CLSTN2: variants seen among roughly 807,000 people sequenced by gnomAD.
CLSTN2 encodes calsyntenin 2.
A neutral mutation model predicts 101.2 loss-of-function variants in CLSTN2; 48 were observed. The ratio of observed to expected loss-of-function variants is 0.47; its 90% CI spans 0.38 to 0.60. CLSTN2 has a LOEUF of 0.60. Among genes scored for constraint, CLSTN2 ranks in the 20% least tolerant of loss-of-function variants. The pLI, the probability that CLSTN2 is intolerant of heterozygous loss-of-function variation, is 0.00. For missense variants in CLSTN2, 1,160 were observed against 1,238.2 expected, an observed-to-expected ratio of 0.94 and a Z score of 0.95; for synonymous variants, 481 against 463.6, an observed-to-expected ratio of 1.04 and a Z score of -0.48.
At chr3:140,264,438 A>G (rs1324830731) in intron 2 of CLSTN2, among the ~76,000 whole-genome samples, 3 of 142,420 alleles carry the variant, frequency 2.1e-5, no homozygotes, top group Non-Finnish European at 3.0e-5. Flanking sequence ...AAAATTAGGC[A>G]TCTTTAAACA....
intron 2 of CLSTN2, among the ~76,000 whole-genome samples, chr3:140,378,125 A>G (rs1308774158): frequency 6.6e-6 from 1 of 152,230 alleles, no homozygotes; most frequent in Non-Finnish European, 1.5e-5. Flanking sequence ...CTAGGTGTGT[A>G]GTAGTCTGTA....
At position 140,047,785 on chromosome 3, in the gene CLSTN2, A is replaced by G. The variant is rs2007909992; in HGVS notation, c.109+112302A>G. 3.9e-5 allele frequency among the ~76,000 whole-genome samples: 6 copies of G among 152,314 alleles called. No individual in the cohort carries two copies. The South Asian group carries it at 1.2e-3, about 32-fold the overall frequency. On this transcript the variant is annotated intron_variant, in intron 1 of 16. Transcript: ENST00000458420. ...ACTCCTGTTCCCACCATAACCCATT[A>G]GTTCGTTAACACATTAATCCATTAC...
intron 2 of CLSTN2, among the ~76,000 whole-genome samples, chr3:140,191,277 A>G (rs1344624631): frequency 6.6e-6 from 1 of 152,006 alleles, no homozygotes; most frequent in African/African-American, 2.4e-5. Flanking sequence ...CAATTGTGGT[A>G]TATCATTCTT....
intron 2 of CLSTN2, among the ~76,000 whole-genome samples, chr3:140,391,233 G>C (rs80099890): frequency 6.6e-6 from 1 of 152,212 alleles, no homozygotes; most frequent in South Asian, 2.1e-4. Flanking sequence ...GCTGTACCAC[G>C]GGGTTGCAGC....
chr3:140,328,161 C>T (rs1181014757), intron 2 of CLSTN2, among the ~76,000 whole-genome samples: 1 of 152,216 alleles, frequency 6.6e-6, no homozygotes, highest in African/African-American at 2.4e-5. Flanking sequence ...GTTATGGGAG[C>T]TGGACTCTGC....
At chr3:140,115,768 TC>T (rs896470147) in intron 1 of CLSTN2, among the ~76,000 whole-genome samples, 2 of 152,202 alleles carry the variant, frequency 1.3e-5, no homozygotes, top group African/African-American at 4.8e-5. Flanking sequence ...TGAGAAAACG[TC>T]CCCATCCTAT....
intron 1 of CLSTN2, among the ~76,000 whole-genome samples, chr3:140,155,342 T>A (rs968767568): frequency 9.2e-5 from 14 of 152,102 alleles, no homozygotes; most frequent in African/African-American, 3.4e-4. Flanking sequence ...AAGAACTGCT[T>A]GTTAGGAAAA....
chr3:140,383,641 T>G (rs1379407179), intron 2 of CLSTN2, among the ~76,000 whole-genome samples: 2 of 152,198 alleles, frequency 1.3e-5, no homozygotes, highest in East Asian at 3.8e-4. Context: ...GGCAGGGAAT[T>G]AAATTATCCT....
intron 16 of CLSTN2, among the ~76,000 whole-genome samples, chr3:140,564,437 C>A (rs184595979): frequency 6.0e-4 from 92 of 152,314 alleles, no homozygotes; most frequent in African/African-American, 2.2e-3. Context: ...GGTGGCTAAG[C>A]CTTGCTTCCC....
chr3:140,253,704 AATTAT>A (rs2086582114), intron 2 of CLSTN2, among the ~76,000 whole-genome samples: 1 of 152,156 alleles, frequency 6.6e-6, no homozygotes, highest in Admixed American at 6.5e-5. Context: ...TAATTCTGTT[AATTAT>A]AATGAGATAG....
At chr3:140,087,598 A>G (rs2008701768) in intron 1 of CLSTN2, among the ~76,000 whole-genome samples, 1 of 152,198 alleles carries the variant, frequency 6.6e-6, no homozygotes, top group Non-Finnish European at 1.5e-5. Context: ...TAATGGAGTA[A>G]AAAAGATAGA....
At chr3:140,326,572 C>T (rs536507300) in intron 2 of CLSTN2, among the ~76,000 whole-genome samples, 10 of 152,268 alleles carry the variant, frequency 6.6e-5, no homozygotes, top group South Asian at 6.2e-4. Flanking sequence ...TAACACATGG[C>T]GTATTTAATA....
chr3:140,401,336 G>A (rs757080619), intron 2 of CLSTN2, among the ~76,000 whole-genome samples: 2 of 152,174 alleles, frequency 1.3e-5, no homozygotes, highest in Admixed American at 1.3e-4. Context: ...TTAGGATAAA[G>A]CATCCTTATA....
chr3:140,481,448 A>G (rs1934113786), intron 8 of CLSTN2, among the ~76,000 whole-genome samples: 1 of 152,212 alleles, frequency 6.6e-6, no homozygotes. Flanking sequence ...TTGGTTCCAT[A>G]TGAACTTTAA....
chr3:140,068,585 T>A (rs921829226), intron 1 of CLSTN2, among the ~76,000 whole-genome samples: 18 of 152,228 alleles, frequency 1.2e-4, no homozygotes, highest in African/African-American at 4.1e-4. Context: ...CTTGTGACAG[T>A]TTGATTCCTG....
At chr3:140,280,635 T>A (rs1301045926) in intron 2 of CLSTN2, among the ~76,000 whole-genome samples, 3 of 152,194 alleles carry the variant, frequency 2.0e-5, no homozygotes. Flanking sequence ...TCTGCTTAGT[T>A]GCTTGGCTGT....
chr3:140,187,998 C>A (rs1454811975), intron 2 of CLSTN2, among the ~76,000 whole-genome samples: 1 of 152,122 alleles, frequency 6.6e-6, no homozygotes, highest in Non-Finnish European at 1.5e-5. Flanking sequence ...ATCCTCATGG[C>A]CACAGGTCCT....
intron 2 of CLSTN2, among the ~76,000 whole-genome samples, chr3:140,320,293 A>C (rs927655364): frequency 1.3e-5 from 2 of 152,158 alleles, no homozygotes; most frequent in Non-Finnish European, 2.9e-5. Flanking sequence ...TTCAGTTTTC[A>C]GGTAGAGATT....
At chr3:140,311,286 C>CTT (rs2087164551) in intron 2 of CLSTN2, among the ~76,000 whole-genome samples, 1 of 85,328 alleles carries the variant, frequency 1.2e-5, no homozygotes, top group African/African-American at 5.8e-5. Context: ...GGTTTATTAT[C>CTT]CTTTTTTTTT....
Sources: allele counts gnomAD v4.1 joint callset (sites outside exome capture counted in the v4.1 genomes callset), GRCh38; gene constraint gnomAD v4.1.1; transcripts MANE v1.5; gene names NCBI Gene and HGNC (gene_info 2026-07-23, HGNC 2026-07-21).